STK3: variants seen among roughly 807,000 people sequenced by gnomAD.
STK3 encodes the protein serine/threonine-protein kinase 3.
Under a neutral mutation model 58.0 loss-of-function variants are expected in STK3, and 41 were observed. The observed-to-expected ratio is 0.71, with a 90% CI of 0.55 to 0.92. STK3 has a LOEUF of 0.92. STK3 is among the 40% of genes least tolerant of loss of function. The probability of loss-of-function intolerance (pLI) is 0.00; values close to 1 mark genes in which losing one functional copy is unlikely to be tolerated. For synonymous variants in STK3, 170 were observed against 191.0 expected, an observed-to-expected ratio of 0.89 and a Z score of 0.91; for missense variants, 479 against 602.7, an observed-to-expected ratio of 0.79 and a Z score of 2.15.
chr8:98,417,069 G>C (rs573197529), intron 3 of STK3, among the ~76,000 whole-genome samples: 1 of 152,350 alleles, frequency 6.6e-6, no homozygotes, highest in African/African-American at 2.4e-5. Context: ...GAATGGAAAG[G>C]GGGGCTTCTC....
At chr8:98,632,685 AT>A (rs1242879510) in intron 6 of STK3, among the ~76,000 whole-genome samples, 2 of 152,240 alleles carry the variant, frequency 1.3e-5, no homozygotes, top group East Asian at 1.9e-4. Context: ...CACTAAAAAA[AT>A]ATGCATTATG....
intron 6 of STK3, among the ~76,000 whole-genome samples, chr8:98,651,036 T>A (rs1820872211): frequency 1.3e-5 from 2 of 152,206 alleles, no homozygotes; most frequent in Admixed American, 6.5e-5. Flanking sequence ...GCAGACTGCC[T>A]CCTCAAGTGG....
rs775081094 is a variant in STK3 at position 98,517,147 on chromosome 8, A to G, written c.1317+9595T>C. On this transcript the variant is annotated intron_variant, in intron 10 of 10. Coordinates refer to ENST00000419617, the MANE Select transcript of STK3 (RefSeq NM_006281.4). ...TTTTTCCAAAATACTTTCATCTGCT[A>G]TGAGAAACAACATTAGTTTGAATGC... is the stretch of plus-strand genomic sequence containing the variant. 6.6e-4 allele frequency among the ~76,000 whole-genome samples: 101 copies of G among 152,222 alleles called. 1 individual carries two copies. The highest frequency in any genetic ancestry group is 1.4e-3 in the Non-Finnish European group (93 of 67,958).
At chr8:98,595,448 CATACTT>C (rs1225054992) in intron 7 of STK3, 2 of 152,014 alleles carry the variant, frequency 1.3e-5, no homozygotes, top group African/African-American at 4.8e-5. Flanking sequence ...TAATGTGAGA[CATACTT>C]ATTATTAGCT....
At chr8:98,849,914 A>G (rs1836380548) in intron 3 of STK3, among the ~76,000 whole-genome samples, 3 of 152,158 alleles carry the variant, frequency 2.0e-5, no homozygotes, top group Non-Finnish European at 4.4e-5. Context: ...GTATGGCATG[A>G]GAGGTTACTG....
intron 3 of STK3, among the ~76,000 whole-genome samples, chr8:98,759,521 T>C (rs748610130): frequency 3.3e-5 from 5 of 151,818 alleles, no homozygotes; most frequent in Admixed American, 6.6e-5. Context: ...AATGAAAACG[T>C]CTGAAATATG....
chr8:98,502,942 C>G (rs897299163), intron 10 of STK3, among the ~76,000 whole-genome samples: 3 of 152,144 alleles, frequency 2.0e-5, no homozygotes, highest in Non-Finnish European at 4.4e-5. Context: ...AGAATTCCCT[C>G]TTTTTCTATT....
At chr8:98,540,627 C>T (rs186908212) in intron 9 of STK3, among the ~76,000 whole-genome samples, 88 of 152,260 alleles carry the variant, frequency 5.8e-4, no homozygotes, top group African/African-American at 1.5e-3. Flanking sequence ...AGAAATCTTC[C>T]GGTAAACAAT....
chr8:98,469,267 G>A (rs1214226193), intron 10 of STK3, among the ~76,000 whole-genome samples: 4 of 150,356 alleles, frequency 2.7e-5, no homozygotes, highest in East Asian at 2.0e-4. Flanking sequence ...GCGGGGGGGC[G>A]GTCTGAGAAT....
intron 6 of STK3, among the ~76,000 whole-genome samples, chr8:98,628,883 G>A (rs1818958568): frequency 6.7e-6 from 1 of 148,844 alleles, no homozygotes; most frequent in South Asian, 2.1e-4. Context: ...GAAGGTAAAG[G>A]AATAAAGTAG....
intron 6 of STK3, among the ~76,000 whole-genome samples, chr8:98,611,279 T>C (rs1817172992): frequency 6.6e-6 from 1 of 150,906 alleles, no homozygotes; most frequent in Non-Finnish European, 1.5e-5. Flanking sequence ...AAAATCAAAA[T>C]TAACAACAAA....
intron 10 of STK3, among the ~76,000 whole-genome samples, chr8:98,474,287 A>G (rs2131241679): frequency 6.6e-6 from 1 of 152,298 alleles, no homozygotes; most frequent in Non-Finnish European, 1.5e-5. Flanking sequence ...TCCATACAGC[A>G]GCCAGAATTA....
chr8:98,617,606 C>T lies in STK3; in HGVS notation c.685-21437G>A, dbSNP rs915381161. 3.9e-5 allele frequency among the ~76,000 whole-genome samples: 6 copies of T among 152,014 alleles called. No homozygotes were observed. In the South Asian group the frequency reaches 6.2e-4, roughly 16 times the overall value. Reference sequence around the variant, plus strand: ...AAAAAAGAGAGGAAAATCAAATCGACACAATAAAAAATGATAAAGGGGATA... The same window carrying T: ...AAAAAAGAGAGGAAAATCAAATCGATACAATAAAAAATGATAAAGGGGATA... On this transcript the variant is annotated intron_variant, in intron 6 of 10. Coordinates refer to ENST00000419617, the MANE Select transcript of STK3 (RefSeq NM_006281.4).
chr8:98,905,528 A>G (rs942394106), intron 1 of STK3: 1 of 1,082,436 alleles, frequency 9.2e-7, no homozygotes, highest in Non-Finnish European at 1.4e-6. Context: ...TGGTATCCTC[A>G]GCCGCCGTCT....
intron 4 of STK3, among the ~76,000 whole-genome samples, chr8:98,737,527 G>A (rs1443176107): frequency 6.6e-6 from 1 of 152,034 alleles, no homozygotes; most frequent in Non-Finnish European, 1.5e-5. Flanking sequence ...CAAGGAACAG[G>A]GTCAGAGGAG....
intron 7 of STK3, among the ~76,000 whole-genome samples, chr8:98,592,915 C>G (rs1036722562): frequency 6.6e-6 from 1 of 152,108 alleles, no homozygotes; most frequent in Non-Finnish European, 1.5e-5. Flanking sequence ...AGACGTGCAC[C>G]ACCATGTCTG....
chr8:98,653,420 G>A (rs1483170015), intron 6 of STK3, among the ~76,000 whole-genome samples: 1 of 152,114 alleles, frequency 6.6e-6, no homozygotes, highest in East Asian at 1.9e-4. Context: ...ACAATTAAAA[G>A]AACTAGAAAA....
intron 10 of STK3, among the ~76,000 whole-genome samples, chr8:98,464,094 AT>A (rs1481728839): frequency 1.1e-4 from 16 of 152,290 alleles, no homozygotes; most frequent in Middle Eastern, 6.8e-3. Context: ...GATTAAAAAA[AT>A]ATGGGTTGCT....
At chr8:98,854,918 G>A (rs553220224) in intron 3 of STK3, among the ~76,000 whole-genome samples, 8 of 152,204 alleles carry the variant, frequency 5.3e-5, no homozygotes, top group South Asian at 2.1e-4. Context: ...TTAGCCAGGC[G>A]TGGTGGTGTG....
Sources: gnomAD v4.1 joint callset for allele counts (sites outside exome capture counted in the v4.1 genomes callset) on GRCh38, gnomAD v4.1.1 for gene constraint, MANE v1.5 for transcripts, NCBI Gene and HGNC (gene_info 2026-07-23, HGNC 2026-07-21) for gene names.